The following HECTD3 variants were observed in gnomAD, a reference collection of about 807,000 sequenced individuals.
The protein encoded by HECTD3 is E3 ubiquitin-protein ligase HECTD3.
In HECTD3, 72 loss-of-function variants were observed where a neutral mutation model predicts 109.3. The observed-to-expected ratio is 0.66, with a 90% CI of 0.54 to 0.80. The LOEUF (loss-of-function observed/expected upper bound fraction) is 0.80. Among genes scored for constraint, HECTD3 ranks in the 30% least tolerant of loss-of-function variants. HECTD3 has a pLI of 0.00. For missense variants in HECTD3, 1,041 were observed against 1,165.2 expected, an observed-to-expected ratio of 0.89 and a Z score of 1.55; for synonymous variants, 481 against 471.8, an observed-to-expected ratio of 1.02 and a Z score of -0.25.
chr1:45,010,368 C>A, intron 2 of HECTD3, 75 bp from the exon 3 acceptor site: 3 of 1,490,336 alleles, frequency 2.0e-6, no homozygotes, highest in Non-Finnish European at 2.8e-6. Flanking sequence ...GCCGTGTAGC[C>A]TTCTTCAGGG....
At position 45,003,368 on chromosome 1, in the gene HECTD3, G is replaced by C. The variant is rs1458368896; in HGVS notation, c.*124C>G. On this transcript the variant is annotated 3_prime_UTR_variant, in exon 21 of 21. Coordinates refer to ENST00000372172, the MANE Select transcript of HECTD3 (RefSeq NM_024602.6). The surrounding 1 kb of genome is among the most constrained non-coding windows in gnomAD (Gnocchi z 4.7). ...CTGCCCCTACCCCAACTGCACACAGGAGCAGGGCACATGGGGTTTTGCTGA... is the reference window on the plus strand; with the variant it reads ...CTGCCCCTACCCCAACTGCACACAGCAGCAGGGCACATGGGGTTTTGCTGA... 2 of 803,490 alleles carry C rather than the reference G, an allele frequency of 2.5e-6. No homozygotes were observed. The highest frequency in any genetic ancestry group is 4.1e-6 in the Non-Finnish European group (2 of 484,202). 49.8% of individuals were successfully genotyped at this position (803,490 alleles called of 1,614,324 possible).
Position 45,006,306 on chromosome 1 carries a change from C to CTT in HECTD3, c.1726-191_1726-190insAA. The stretch of plus-strand genomic sequence containing the variant: ...ACTCAGTCCCTCCTCTGCCCTATTT[C>CTT]TATTTTTTTTTTTTTTTGAGACAGA... On this transcript the variant is annotated intron_variant, in intron 13 of 20. Transcript: ENST00000372172. The surrounding 1 kb of genome is among the most constrained non-coding windows in gnomAD (Gnocchi z 4.7). The CTT allele has an allele frequency of 1.9e-5, 10 of 515,396 alleles. No individual in the cohort carries two copies. Among genetic ancestry groups the CTT allele is most frequent in the South Asian group, 1.2e-4 (4 of 34,736 alleles). 31.9% of individuals were successfully genotyped at this position (515,396 alleles called of 1,614,324 possible).
At chr1:45,009,705 A>C (rs777831720) in intron 4 of HECTD3, 22 bp from the exon 5 acceptor site, 3 of 1,558,886 alleles carry the variant, frequency 1.9e-6, no homozygotes, top group Non-Finnish European at 1.8e-6. Flanking sequence ...CAGAGACGTG[A>C]AGTCAGCAGT....
At chr1:45,009,340 T>C in intron 6 of HECTD3, 29 bp downstream of exon 6, 4 of 1,574,360 alleles carry the variant, frequency 2.5e-6, no homozygotes, top group Non-Finnish European at 3.5e-6. Context: ...GAACATGCCC[T>C]ACTTCCCTCC....
At chr1:45,010,781 G>C (rs1644783626) in intron 1 of HECTD3, 75 bp from the exon 2 acceptor site, 2 of 1,512,160 alleles carry the variant, frequency 1.3e-6, no homozygotes, top group Non-Finnish European at 8.8e-7. Context: ...CCAGGGCAAA[G>C]GGCGCCGAAC....
rs767496484 is a variant in HECTD3 at position 45,007,278 on chromosome 1, G to A, written c.1504-7C>T. 4.3e-6 allele frequency: 7 copies of A among 1,612,906 alleles called. No individual in the cohort carries two copies. The Admixed American group carries it at 5.0e-5, about 12-fold the overall frequency. Reference sequence around the variant, plus strand: ...GCTTGAGGCCTTCATATACCTGGAGGCAAGGAGGAAAGGAGTCATAGGAAA... The same window carrying A: ...GCTTGAGGCCTTCATATACCTGGAGACAAGGAGGAAAGGAGTCATAGGAAA... On this transcript the variant is annotated splice_region_variant and splice_polypyrimidine_tract_variant and intron_variant, in intron 10 of 20. Coordinates refer to ENST00000372172, the MANE Select transcript of HECTD3 (RefSeq NM_024602.6).
rs779839902 is a variant in HECTD3 at position 45,006,131 on chromosome 1, G to T, written c.1726-15C>A. The T allele has an allele frequency of 6.2e-7, 1 of 1,611,384 alleles. No individual in the cohort carries two copies. Among genetic ancestry groups the T allele is most frequent in the Non-Finnish European group, 8.5e-7 (1 of 1,177,870 alleles). On this transcript the variant is annotated splice_polypyrimidine_tract_variant and intron_variant, in intron 13 of 20. Coordinates refer to ENST00000372172, the MANE Select transcript of HECTD3 (RefSeq NM_024602.6). The surrounding 1 kb of genome is among the most constrained non-coding windows in gnomAD (Gnocchi z 4.7). ...GTGCCATTGCCCTGCCCCAGAGACA[G>T]AGCTGTGAGTGTGGCATGAGATACA... is the stretch of plus-strand genomic sequence containing the variant.
rs201678809 is a variant in HECTD3 at position 45,004,656 on chromosome 1, G to A, written c.2086C>T (p.Arg696Cys). The A allele has an allele frequency of 5.5e-5, 89 of 1,614,046 alleles. No homozygotes were observed. The highest frequency in any genetic ancestry group is 6.6e-5 in the Non-Finnish European group (78 of 1,180,036). The change falls in exon 16 of 21, where the codon CGT (arginine) becomes TGT (cysteine). Residue 696 changes from arginine (R) to cysteine (C), a missense_variant. Transcript: ENST00000372172. ...TGGACCAGTTGGATGAAACGAGAAC[G>A]GTCCCCATATCCCACGACGATGCCT... is the stretch of plus-strand genomic sequence containing the variant. ...GAGIVVGYGD[R>C]SRFIQLVQKA... is the part of the protein sequence containing the mutation.
rs1175026677 is a variant in HECTD3 at position 45,006,584 on chromosome 1, G to A, written c.1725+108C>T. On this transcript the variant is annotated intron_variant, in intron 13 of 20. Coordinates refer to ENST00000372172, the MANE Select transcript of HECTD3 (RefSeq NM_024602.6). This position sits in a 1 kb window ranked among gnomAD's most constrained non-coding sequence, Gnocchi z 4.7. ...CCCAAAGTGCTGGGATTACAGGCGTGAGCCACTGTGCCTGCCCCCTTTCTA... is the reference window on the plus strand; with the variant it reads ...CCCAAAGTGCTGGGATTACAGGCGTAAGCCACTGTGCCTGCCCCCTTTCTA... 1.1e-6 allele frequency: 1 copy of A among 905,490 alleles called. No individual in the cohort carries two copies. The highest frequency in any genetic ancestry group is 2.6e-5 in the Admixed American group (1 of 38,856). 56.1% of individuals were successfully genotyped at this position (905,490 alleles called of 1,614,324 possible).
chr1:45,008,788 G>T, intron 7 of HECTD3, 87 bp from the exon 8 acceptor site: 2 of 1,309,534 alleles, frequency 1.5e-6, no homozygotes, highest in Non-Finnish European at 2.2e-6. Flanking sequence ...TGAACGCTCA[G>T]CCTTGTGTCA....
Position 45,009,976 on chromosome 1 carries a change from C to T in HECTD3, c.759+10G>A, listed in dbSNP as rs1644769986. On this transcript the variant is annotated intron_variant, in intron 4 of 20. Coordinates refer to ENST00000372172, the MANE Select transcript of HECTD3 (RefSeq NM_024602.6). ...ATCTTGCCTGGGGTGGGAGGAGCCC[C>T]AGCACCCACCGTGTAGGAGGAAACG... 2 of 1,524,038 alleles carry T rather than the reference C, an allele frequency of 1.3e-6. No homozygotes were observed. Among genetic ancestry groups the T allele is most frequent in the African/African-American group, 2.8e-5 (2 of 71,906 alleles). 94.4% of individuals were successfully genotyped at this position (1,524,038 alleles called of 1,614,324 possible).
Position 45,008,621 on chromosome 1 carries a change from A to G in HECTD3, c.1153T>C (p.Phe385Leu), listed in dbSNP as rs780701612. 3.3e-5 allele frequency: 53 copies of G among 1,613,926 alleles called. No homozygotes were observed. The highest frequency in any genetic ancestry group is 4.1e-5 in the Non-Finnish European group (48 of 1,179,990). ...QRELGLNADL[F>L]QPTSLVRYPR... is the part of the protein sequence containing the mutation. ...TATCGCACCAGACTAGTTGGCTGGA[A>G]CAGGTCTGCATTCAACCCTAGTTCC... is the stretch of plus-strand genomic sequence containing the variant. The change falls in exon 8 of 21, where the codon TTC (phenylalanine) becomes CTC (leucine). Residue 385 changes from phenylalanine to leucine, a missense_variant. Physicochemically the swap from Phe to Leu is conservative, Grantham distance 22. Transcript: ENST00000372172.
intron 9 of HECTD3, 139 bp downstream of exon 9, chr1:45,008,101 G>T: frequency 1.5e-6 from 1 of 668,442 alleles, no homozygotes; most frequent in Non-Finnish European, 2.6e-6. Context: ...TGGACCATTT[G>T]TTCTGGCTTT....
In HECTD3 at chr1:45,003,616, C is replaced by T. The variant is rs751286236; in HGVS notation, c.2502-40G>A. ...ACTTGGTCAGGTCCCTACATCGCTA[C>T]CAGGGGTGATGGGGTCCCCTGGGCC... On this transcript the variant is annotated intron_variant, in intron 20 of 20. Transcript: ENST00000372172. The surrounding 1 kb of genome is among the most constrained non-coding windows in gnomAD (Gnocchi z 4.7). 1.2e-6 allele frequency: 2 copies of T among 1,613,482 alleles called. No homozygotes were observed. The highest frequency in any genetic ancestry group is 1.1e-5 in the South Asian group (1 of 91,072).
rs532115457 is a variant in HECTD3, at chr1:45,006,676, T to C, written c.1725+16A>G. 6.2e-7 allele frequency: 1 copy of C among 1,602,730 alleles called. No homozygotes were observed. The highest frequency in any genetic ancestry group is 1.3e-5 in the African/African-American group (1 of 74,624). On this transcript the variant is annotated intron_variant, in intron 13 of 20. Coordinates refer to ENST00000372172, the MANE Select transcript of HECTD3 (RefSeq NM_024602.6). The surrounding 1 kb of genome is among the most constrained non-coding windows in gnomAD (Gnocchi z 4.7). ...CTGGCACCTGGGAGGTTTGCAGAGA[T>C]GGAAACGGAGATTACCTGGTTGGCT...
At chr1:45,010,836 G>A (rs931469099) in intron 1 of HECTD3, 53 bp downstream of exon 1, 40 of 1,505,980 alleles carry the variant, frequency 2.7e-5, no homozygotes, top group Non-Finnish European at 3.3e-5. Context: ...ACAGCCAGAG[G>A]TTTCTCTGGC....
chr1:45,010,360 C>G (rs929156288), intron 2 of HECTD3, 67 bp from the exon 3 acceptor site: 1 of 1,509,024 alleles, frequency 6.6e-7, no homozygotes, highest in East Asian at 2.3e-5. Flanking sequence ...ACCTCCATGC[C>G]GTGTAGCCTT....
chr1:45,006,284 C>T lies in HECTD3; in HGVS notation c.1726-168G>A. On this transcript the variant is annotated intron_variant, in intron 13 of 20. Transcript: ENST00000372172. This position sits in a 1 kb window ranked among gnomAD's most constrained non-coding sequence, Gnocchi z 4.7. ...TGCCCAGAGGTTGCCCTGAGCAACT[C>T]AGTCCCTCCTCTGCCCTATTTCTAT... 1 of 730,742 alleles carries T rather than the reference C, an allele frequency of 1.4e-6. No individual in the cohort carries two copies. The highest frequency in any genetic ancestry group is 2.2e-6 in the Non-Finnish European group (1 of 448,548). 45.3% of individuals were successfully genotyped at this position (730,742 alleles called of 1,614,324 possible).
At chr1:45,004,028 A>G (rs1644712956) in intron 18 of HECTD3, 32 bp downstream of exon 18, 4 of 1,613,416 alleles carry the variant, frequency 2.5e-6, no homozygotes. Context: ...CAGAGTCCAA[A>G]CCCAGGTGTC....
Sources: gnomAD v4.1 joint callset for allele counts on GRCh38, gnomAD v4.1.1 for gene constraint, Gnocchi (gnomAD v3.1) non-coding constraint, MANE v1.5 for transcripts, NCBI Gene and HGNC (gene_info 2026-07-23, HGNC 2026-07-21) for gene names.